The following ADA2 variants were observed in gnomAD, a reference collection of about 807,000 sequenced individuals.
ADA2 encodes adenosine deaminase CECR1.
ADA2 carries 29 observed loss-of-function variants against 44.2 expected under a neutral mutation model. That is an observed-to-expected ratio of 0.66 (90% CI 0.49 to 0.89). The LOEUF (loss-of-function observed/expected upper bound fraction) is 0.89, where lower values mean the gene tolerates loss of function less well. Ranked by LOEUF, ADA2 falls within the 40% of genes least tolerant of loss-of-function variation. ADA2 has a pLI of 0.00. For synonymous variants in ADA2, 215 were observed against 234.9 expected (o/e 0.92, Z 0.77); for missense variants, 637 against 644.8 (o/e 0.99, Z 0.13).
intron 8 of ADA2, 120 bp downstream of exon 8, chr22:17,182,484 T>G (rs1601421349): frequency 2.0e-6 from 2 of 985,198 alleles, no homozygotes; most frequent in Non-Finnish European, 3.1e-6. Flanking sequence ...GGTAGGAGAG[T>G]GGAGGGATGT....
chr22:17,190,375 C>CG (rs1038167501), intron 5 of ADA2, among the ~76,000 whole-genome samples: 3 of 152,184 alleles, frequency 2.0e-5, no homozygotes, highest in African/African-American at 4.8e-5. Context: ...GCATCTCTGT[C>CG]GGGGGTGTAG....
chr22:17,221,415 C>T (rs2062522422), upstream of ADA2, among the ~76,000 whole-genome samples: 1 of 152,068 alleles, frequency 6.6e-6, no homozygotes, highest in Admixed American at 6.6e-5. Flanking sequence ...TTAGGTATTT[C>T]TCCTAATGCT....
intron 4 of ADA2, chr22:17,199,416 T>TCCTCCCTCCCCTCCTCAATCCTCTTCC: frequency 1.4e-5 from 6 of 429,646 alleles, no homozygotes; most frequent in East Asian, 3.9e-5. Flanking sequence ...TCTCAGCGTC[T>TCCTCCCTCCCCTCCTCAATCCTCTTCC]CCTCCCTCCC....
At chr22:17,197,430 T>G (rs1411993992) in intron 4 of ADA2, among the ~76,000 whole-genome samples, 1 of 151,874 alleles carries the variant, frequency 6.6e-6, no homozygotes, top group African/African-American at 2.4e-5. Flanking sequence ...CCTGGCTAAT[T>G]ATTTTGTTTT....
Position 17,209,561 on chromosome 22 carries a change from C to T in ADA2, c.117G>A (p.Leu39=), listed in dbSNP as rs759067288. The T allele has an allele frequency of 6.2e-7, 1 of 1,614,120 alleles. No homozygotes were observed. The highest frequency in any genetic ancestry group is 8.5e-7 in the Non-Finnish European group (1 of 1,180,028). The change falls in exon 2 of 10, where the codon TTG becomes TTA. Residue 39 remains leucine, a synonymous_variant. Transcript: ENST00000399837. The stretch of plus-strand genomic sequence containing the variant: ...CCCCCAGCCGCATCATCTTTTCTTT[C>T]AACAACAGATGCGCCCGTGTTTCAT... ...SIDETRAHLL[L]KEKMMRLGGR... is the part of the protein sequence containing the mutation.
intron 4 of ADA2, among the ~76,000 whole-genome samples, chr22:17,194,955 G>T (rs1313824468): frequency 6.6e-6 from 1 of 151,858 alleles, no homozygotes; most frequent in East Asian, 1.9e-4. Flanking sequence ...CGTACCAGGA[G>T]AATCACCCTT....
chr22:17,182,741 C>T lies in ADA2; in HGVS notation c.1102G>A (p.Asp368Asn), dbSNP rs1316855685. 1.2e-6 allele frequency: 2 copies of T among 1,613,584 alleles called. No homozygotes were observed. Among genetic ancestry groups the T allele is most frequent in the Admixed American group, 3.3e-5 (2 of 59,980 alleles). Reference sequence around the variant, plus strand: ...ATCAGAGCATCCAGAATGTTCCTGTCTATGGAAGTACCCTGCCAGTCTGAA... The same window carrying T: ...ATCAGAGCATCCAGAATGTTCCTGTTTATGGAAGTACCCTGCCAGTCTGAA... ...GETDWQGTSI[D>N]RNILDALMLN... is the part of the protein sequence containing the mutation. Residue 368 changes from aspartate (D) to asparagine (N), a missense_variant, in exon 8 of 10, where the codon GAC (aspartate) becomes AAC (asparagine). Physicochemically the swap from Asp to Asn is conservative, Grantham distance 23. Transcript: ENST00000399837.
intron 1 of ADA2, among the ~76,000 whole-genome samples, chr22:17,216,692 A>C (rs1486859217): frequency 6.6e-6 from 1 of 151,444 alleles, no homozygotes; most frequent in Non-Finnish European, 1.5e-5. Context: ...CCCAGAGGGC[A>C]GAGGTTGCAG....
At chr22:17,190,146 C>G in intron 5 of ADA2, 114 bp from the exon 6 acceptor site, 1 of 804,848 alleles carries the variant, frequency 1.2e-6, no homozygotes, top group South Asian at 1.5e-5. Flanking sequence ...GGTCCCGTTT[C>G]CCAAACCTGA....
rs2061976437 is a variant in ADA2 at position 17,182,009 on chromosome 22, A to G, written c.1253T>C (p.Val418Ala). The G allele has an allele frequency of 6.2e-7, 1 of 1,613,710 alleles. No individual in the cohort carries two copies. The highest frequency in any genetic ancestry group is 8.5e-7 in the Non-Finnish European group (1 of 1,179,740). ...TACAGGGTGGTTCCTCAAGTCAGACACCAGTTTCAGCACCTGCGCAATAGG... is the reference window on the plus strand; with the variant it reads ...TACAGGGTGGTTCCTCAAGTCAGACGCCAGTTTCAGCACCTGCGCAATAGG... ...CPISNQVLKL[V>A]SDLRNHPVAT... Residue 418 changes from valine (V) to alanine (A), a missense_variant, in exon 9 of 10, where the codon GTG (valine) becomes GCG (alanine). Coordinates refer to ENST00000399837, the MANE Select transcript of ADA2 (RefSeq NM_001282225.2).
chr22:17,188,299 G>C (rs1185946610), intron 7 of ADA2, 40 bp downstream of exon 7: 1 of 1,481,512 alleles, frequency 6.7e-7, no homozygotes, highest in African/African-American at 1.4e-5. Flanking sequence ...CTCTCCCATT[G>C]ACCACCTCCG....
chr22:17,204,614 A>C (rs930130387), intron 3 of ADA2, among the ~76,000 whole-genome samples: 3 of 151,832 alleles, frequency 2.0e-5, no homozygotes, highest in African/African-American at 7.3e-5. Flanking sequence ...ATCTCAAAAA[A>C]AAAAAAAGAA....
intron 4 of ADA2, among the ~76,000 whole-genome samples, chr22:17,192,661 T>C (rs9617967): frequency 0.021 from 3,148 of 152,150 alleles, 90 homozygotes; most frequent in African/African-American, 0.072. Context: ...AACCCCCATC[T>C]CTACCAAAAA....
chr22:17,199,229 G>A (rs2062237637), intron 4 of ADA2, among the ~76,000 whole-genome samples: 1 of 152,122 alleles, frequency 6.6e-6, no homozygotes, highest in Non-Finnish European at 1.5e-5. Flanking sequence ...CTGGAGCTGG[G>A]CAGGCCCCCA....
intron 7 of ADA2, among the ~76,000 whole-genome samples, chr22:17,185,715 G>A (rs773690813): frequency 6.6e-6 from 1 of 152,136 alleles, no homozygotes; most frequent in Admixed American, 6.6e-5. Flanking sequence ...GATCTAAATT[G>A]ACTCGAAATG....
chr22:17,221,498 AC>A (rs2062523459), upstream of ADA2, among the ~76,000 whole-genome samples: 1 of 151,796 alleles, frequency 6.6e-6, no homozygotes, highest in African/African-American at 2.4e-5. Context: ...TTTTTTAAAG[AC>A]CAGGTCAAAG....
chr22:17,181,990 G>A lies in ADA2; in HGVS notation c.1272C>T (p.His424=). 3 of 1,614,070 alleles carry A rather than the reference G, an allele frequency of 1.9e-6. No homozygotes were observed. The highest frequency in any genetic ancestry group is 1.7e-6 in the Non-Finnish European group (2 of 1,179,986). ...CAGTGGCCATCAGAGTGGCTACAGG[G>A]TGGTTCCTCAAGTCAGACACCAGTT... ...VLKLVSDLRN[H]PVATLMATGH... The change falls in exon 9 of 10, where the codon CAC becomes CAT. Residue 424 remains histidine, a synonymous_variant. Coordinates refer to ENST00000399837, the MANE Select transcript of ADA2 (RefSeq NM_001282225.2).
intron 1 of ADA2, among the ~76,000 whole-genome samples, chr22:17,211,494 G>A (rs4591434): frequency 0.56 from 84,653 of 152,054 alleles, 24,579 homozygotes; most frequent in East Asian, 0.93. Flanking sequence ...TTAGCTGGGC[G>A]TGGTTGTGCA....
At chr22:17,184,746 T>G (rs779970936) in intron 7 of ADA2, among the ~76,000 whole-genome samples, 7 of 150,550 alleles carry the variant, frequency 4.6e-5, no homozygotes, top group Non-Finnish European at 1.0e-4. Flanking sequence ...ATGGGCAACA[T>G]AGAGACACCC....
Sources: allele counts gnomAD v4.1 joint callset (sites outside exome capture counted in the v4.1 genomes callset), GRCh38; gene constraint gnomAD v4.1.1; transcripts MANE v1.5; gene names NCBI Gene and HGNC (gene_info 2026-07-23, HGNC 2026-07-21).